Variants in ZBTB38 observed in about 807,000 individuals in gnomAD.
The protein encoded by ZBTB38 is zinc finger and BTB domain containing 38, also known as zinc finger and BTB domain-containing protein 38.
Under a neutral mutation model 76.8 loss-of-function variants are expected in ZBTB38, and 20 were observed. The ratio of observed to expected loss-of-function variants is 0.26; its 90% CI spans 0.18 to 0.38. ZBTB38 has a LOEUF of 0.38. Among genes scored for constraint, ZBTB38 ranks in the 10% least tolerant of loss-of-function variants. The probability of loss-of-function intolerance (pLI) is 1.00; values close to 1 mark genes in which losing one functional copy is unlikely to be tolerated. For missense variants in ZBTB38, 1,082 were observed against 1,482.3 expected (o/e 0.73, Z 4.43); for synonymous variants, 504 against 544.2 (o/e 0.93, Z 1.03).
intron 1 of ZBTB38, among the ~76,000 whole-genome samples, chr3:141,349,036 G>A (rs1943444252): frequency 6.6e-6 from 1 of 152,194 alleles, no homozygotes; most frequent in Non-Finnish European, 1.5e-5. Context: ...TCAGCTGAGA[G>A]AGTGATGGGG....
chr3:141,407,451 T>C (rs1334567525), intron 5 of ZBTB38, among the ~76,000 whole-genome samples: 1 of 152,234 alleles, frequency 6.6e-6, no homozygotes, highest in Admixed American at 6.5e-5. Context: ...GGTAATTAAT[T>C]AATATTGGTT....
At chr3:141,403,408 A>T (rs1480776923) in intron 4 of ZBTB38, among the ~76,000 whole-genome samples, 1 of 152,190 alleles carries the variant, frequency 6.6e-6, no homozygotes, top group African/African-American at 2.4e-5. Context: ...CCATTCTAAG[A>T]TTGTGGGATC....
At chr3:141,361,607 C>A (rs1943828674) in intron 1 of ZBTB38, among the ~76,000 whole-genome samples, 1 of 152,166 alleles carries the variant, frequency 6.6e-6, no homozygotes, top group Non-Finnish European at 1.5e-5. Context: ...AAATAGAAAA[C>A]CCCACAACAA....
intron 5 of ZBTB38, among the ~76,000 whole-genome samples, chr3:141,431,143 T>C (rs979806593): frequency 6.6e-6 from 1 of 151,546 alleles, no homozygotes; most frequent in Non-Finnish European, 1.5e-5. Context: ...ACCAACATGG[T>C]GAAACCCCGT....
In ZBTB38 at chr3:141,386,872, T is replaced by C. The variant is rs1947259240; in HGVS notation, c.-171T>C. 1 of 152,654 alleles carries C rather than the reference T, an allele frequency of 6.6e-6. No homozygotes were observed. The highest frequency in any genetic ancestry group is 6.5e-5 in the Admixed American group (1 of 15,274). 9.5% of individuals were successfully genotyped at this position (152,654 alleles called of 1,614,324 possible). A position where few individuals can be genotyped will look rare whatever the true frequency, so the allele number is the denominator to read the frequency against. Reference sequence around the variant, plus strand: ...TTTTTCTTTGTTCCCTCCTACCCAGTTGAACCAAGACTCTGAGGCTGATAT... The same window carrying C: ...TTTTTCTTTGTTCCCTCCTACCCAGCTGAACCAAGACTCTGAGGCTGATAT... On this transcript the variant is annotated splice_region_variant and 5_prime_UTR_variant, in exon 4 of 6. Coordinates refer to ENST00000321464, the MANE Select transcript of ZBTB38 (RefSeq NM_001376113.1).
At chr3:141,431,574 C>A (rs915517684) in intron 5 of ZBTB38, 2 of 151,940 alleles carry the variant, frequency 1.3e-5, no homozygotes, top group Admixed American at 6.6e-5. Flanking sequence ...GACCTTTTCC[C>A]CCTTTCATCT....
upstream of ZBTB38, among the ~76,000 whole-genome samples, chr3:141,364,676 T>TAAAAAAAAAAAAAAAA (rs59398877): frequency 2.3e-5 from 1 of 43,440 alleles, no homozygotes; most frequent in Non-Finnish European, 4.7e-5. Flanking sequence ...AAACTACATC[T>TAAAAAAAAAAAAAAAA]AAAAAAAAAA....
chr3:141,432,290 T>C (rs1577399678), intron 5 of ZBTB38: 2 of 984,792 alleles, frequency 2.0e-6, no homozygotes, highest in East Asian at 2.3e-4. Context: ...AGGTTTTATT[T>C]CTACGTTTCT....
At chr3:141,343,300 G>A (rs1328100372) in intron 1 of ZBTB38, among the ~76,000 whole-genome samples, 3 of 152,154 alleles carry the variant, frequency 2.0e-5, no homozygotes, top group Non-Finnish European at 4.4e-5. Context: ...CAACACTCCA[G>A]TTTACTCTTA....
intron 3 of ZBTB38, chr3:141,386,100 T>C (rs1436614719): frequency 6.6e-6 from 1 of 152,192 alleles, no homozygotes; most frequent in East Asian, 1.9e-4. Context: ...TATTAATGGC[T>C]TGTTACTTTA....
In ZBTB38 at chr3:141,444,648, A is replaced by G; in HGVS notation, c.2260A>G (p.Lys754Glu). The change falls in exon 6 of 6, where the codon AAA becomes GAA. Residue 754 changes from lysine to glutamate, a missense_variant. Lys to Glu is a moderately conservative substitution (Grantham distance 56). Around this residue, in one of 8 missense-constraint regions of ZBTB38, gnomAD observed 471 missense variants for 581.0 expected, o/e 0.81. Coordinates refer to ENST00000321464, the MANE Select transcript of ZBTB38 (RefSeq NM_001376113.1). This position sits in a 1 kb window ranked among gnomAD's most constrained non-coding sequence, Gnocchi z 5.1. ...FSDPAVSQSL[K>E]DDSKPEPDKV... is the part of the protein sequence containing the mutation. ...AGACCCAGCTGTCAGTCAGTCCCTGAAAGATGACAGTAAGCCCGAGCCAGA... is the reference window on the plus strand; with the variant it reads ...AGACCCAGCTGTCAGTCAGTCCCTGGAAGATGACAGTAAGCCCGAGCCAGA... 1 of 1,614,186 alleles carries G rather than the reference A, an allele frequency of 6.2e-7. No homozygotes were observed. The highest frequency in any genetic ancestry group is 1.3e-5 in the African/African-American group (1 of 75,040).
intron 5 of ZBTB38, among the ~76,000 whole-genome samples, chr3:141,433,326 GT>G (rs61237374): frequency 1.4e-5 from 2 of 147,234 alleles, no homozygotes; most frequent in African/African-American, 2.5e-5. Flanking sequence ...CTTTTGTTTT[GT>G]TTTTTTTTGT....
rs1433025543 is a variant in ZBTB38, at chr3:141,445,067, A to G, written c.2679A>G (p.Gln893=). 1.9e-6 allele frequency: 3 copies of G among 1,614,198 alleles called. No individual in the cohort carries two copies. In the South Asian group the frequency reaches 3.3e-5, roughly 18 times the overall value. Residue 893 remains glutamine, a synonymous_variant, in exon 6 of 6, where the codon CAA becomes CAG. Transcript: ENST00000321464. This position sits in a 1 kb window ranked among gnomAD's most constrained non-coding sequence, Gnocchi z 6.5. ...PSGDSPLGLC[Q]SECMEMSEVF... Reference sequence around the variant, plus strand: ...GAGACAGCCCACTCGGGCTTTGCCAATCCGAGTGCATGGAGATGAGTGAAG... The same window carrying G: ...GAGACAGCCCACTCGGGCTTTGCCAGTCCGAGTGCATGGAGATGAGTGAAG...
At chr3:141,398,517 A>G (rs1250372111) in intron 4 of ZBTB38, among the ~76,000 whole-genome samples, 6 of 152,140 alleles carry the variant, frequency 3.9e-5, no homozygotes, top group Non-Finnish European at 8.8e-5. Context: ...AAATACTTTT[A>G]TTAACATAAC....
intron 5 of ZBTB38, among the ~76,000 whole-genome samples, chr3:141,412,106 C>T (rs1448642753): frequency 2.0e-5 from 3 of 152,102 alleles, no homozygotes; most frequent in Non-Finnish European, 4.4e-5. Flanking sequence ...TAAAAATGAC[C>T]TATATTTTTT....
chr3:141,355,437 G>C (rs1251382159), intron 1 of ZBTB38, among the ~76,000 whole-genome samples: 1 of 152,020 alleles, frequency 6.6e-6, no homozygotes, highest in East Asian at 1.9e-4. Flanking sequence ...TGGTTGTCGT[G>C]GTAACCGCTA....
intron 4 of ZBTB38, among the ~76,000 whole-genome samples, chr3:141,396,819 C>A (rs543973179): frequency 2.6e-5 from 4 of 152,274 alleles, no homozygotes; most frequent in Admixed American, 1.3e-4. Context: ...TGAAAGAAAT[C>A]TTTTCTCTGA....
At chr3:141,410,165 G>A (rs1956166565) in intron 5 of ZBTB38, among the ~76,000 whole-genome samples, 1 of 152,134 alleles carries the variant, frequency 6.6e-6, no homozygotes, top group African/African-American at 2.4e-5. Flanking sequence ...GTCTCCCAGG[G>A]GTCTCAATGT....
At chr3:141,397,897 A>G (rs1950708746) in intron 4 of ZBTB38, among the ~76,000 whole-genome samples, 1 of 152,222 alleles carries the variant, frequency 6.6e-6, no homozygotes. Flanking sequence ...ATATTGTGAG[A>G]ATTACTAAAA....
Sources: gnomAD v4.1 joint callset for allele counts (sites outside exome capture counted in the v4.1 genomes callset) on GRCh38, gnomAD v4.1.1 for gene constraint, gnomAD v4.1.1 regional missense constraint, Gnocchi (gnomAD v3.1) non-coding constraint, MANE v1.5 for transcripts, NCBI Gene and HGNC (gene_info 2026-07-23, HGNC 2026-07-21) for gene names.